TMEM132C: variants seen among roughly 807,000 people sequenced by gnomAD.
TMEM132C encodes protein phosphatase 1, regulatory subunit 152.
Under a neutral mutation model 61.4 loss-of-function variants are expected in TMEM132C, and 29 were observed. The ratio of observed to expected loss-of-function variants is 0.47; its 90% CI spans 0.35 to 0.64. The LOEUF is 0.64. Among genes scored for constraint, TMEM132C ranks in the 30% least tolerant of loss-of-function variants. The probability of loss-of-function intolerance (pLI) is 0.00; values close to 1 mark genes in which losing one functional copy is unlikely to be tolerated. For synonymous variants in TMEM132C, 656 were observed against 633.1 expected, an observed-to-expected ratio of 1.04 and a Z score of -0.54; for missense variants, 1,408 against 1,476.9, an observed-to-expected ratio of 0.95 and a Z score of 0.76.
intron 4 of TMEM132C, among the ~76,000 whole-genome samples, chr12:128,617,100 G>T (rs1431921296): frequency 6.6e-6 from 1 of 152,196 alleles, no homozygotes; most frequent in East Asian, 1.9e-4. Context: ...CAGATCACAG[G>T]AACATTTTGA....
chr12:128,534,740 A>G (rs1873456759), intron 2 of TMEM132C, among the ~76,000 whole-genome samples: 2 of 152,262 alleles, frequency 1.3e-5, no homozygotes, highest in Non-Finnish European at 1.5e-5. Context: ...TGAAGTAGAC[A>G]GGAATATCCA....
At chr12:128,600,696 T>G (rs1876153384) in intron 3 of TMEM132C, among the ~76,000 whole-genome samples, 1 of 152,130 alleles carries the variant, frequency 6.6e-6, no homozygotes, top group Admixed American at 6.5e-5. Context: ...GATGGGGCCC[T>G]GATCACAGGT....
At chr12:128,271,656 T>C (rs1870526693) in intron 1 of TMEM132C, among the ~76,000 whole-genome samples, 1 of 152,216 alleles carries the variant, frequency 6.6e-6, no homozygotes, top group African/African-American at 2.4e-5. Context: ...GGAGAATGTG[T>C]TTATTCAGGT....
chr12:128,534,970 A>G (rs1565965773), intron 2 of TMEM132C, among the ~76,000 whole-genome samples: 1 of 152,232 alleles, frequency 6.6e-6, no homozygotes, highest in Non-Finnish European at 1.5e-5. Flanking sequence ...AATGCAGAAA[A>G]AGCCAATTTC....
rs533981114 is a variant in TMEM132C at position 128,645,048 on chromosome 12, A to G, written c.1306-24369A>G. On this transcript the variant is annotated intron_variant, in intron 4 of 8. Transcript: ENST00000435159. ...CCTCTGTGCTGAGAGCTGCAGTGGAACTAATGGGGCACTGAGATTGTGAAC... is the reference window on the plus strand; with the variant it reads ...CCTCTGTGCTGAGAGCTGCAGTGGAGCTAATGGGGCACTGAGATTGTGAAC... Among the ~76,000 whole-genome samples, 23 of 152,290 alleles carry G rather than the reference A, an allele frequency of 1.5e-4. No homozygotes were observed. In the South Asian group the frequency reaches 4.8e-3, roughly 32 times the overall value.
rs1872507039 is a variant in TMEM132C at position 128,326,118 on chromosome 12, C to T, written c.85+58631C>T. Among the ~76,000 whole-genome samples the T allele has an allele frequency of 6.6e-6, 1 of 152,076 alleles. No homozygotes were observed. The highest frequency in any genetic ancestry group is 2.4e-5 in the African/African-American group (1 of 41,388). On this transcript the variant is annotated intron_variant, in intron 1 of 8. Coordinates refer to ENST00000435159, the MANE Select transcript of TMEM132C (RefSeq NM_001136103.3). The surrounding 1 kb of genome is among the most constrained non-coding windows in gnomAD (Gnocchi z 5.6). Reference sequence around the variant, plus strand: ...CATGTTTCTTCAAAGATAAATATCACTTCTGTCAGGTGAATAAATACCATT... The same window carrying T: ...CATGTTTCTTCAAAGATAAATATCATTTCTGTCAGGTGAATAAATACCATT...
At chr12:128,567,429 GACACACACACACACACACACACAC>G (rs140541188) in intron 3 of TMEM132C, among the ~76,000 whole-genome samples, 2 of 136,330 alleles carry the variant, frequency 1.5e-5, no homozygotes, top group South Asian at 5.2e-4. Context: ...CATACCCATA[GACACACACACACACACACACACAC>G]ACACACACAC....
chr12:128,306,716 C>G lies in TMEM132C; in HGVS notation c.85+39229C>G, dbSNP rs540414936. Among the ~76,000 whole-genome samples, 3 of 152,252 alleles carry G rather than the reference C, an allele frequency of 2.0e-5. No individual in the cohort carries two copies. The South Asian group carries it at 6.2e-4, about 32-fold the overall frequency. ...AAAAGGAAGAGACCTTTGTCCACTT[C>G]CACTGTAGCTCAATTTCCCATCTAT... On this transcript the variant is annotated intron_variant, in intron 1 of 8. Transcript: ENST00000435159.
At chr12:128,409,968 C>T (rs1565927756) in intron 1 of TMEM132C, among the ~76,000 whole-genome samples, 1 of 152,100 alleles carries the variant, frequency 6.6e-6, no homozygotes, top group Non-Finnish European at 1.5e-5. Flanking sequence ...TCAAGATTAT[C>T]AAAGAATCTA....
chr12:128,480,069 G>A (rs970410010), intron 2 of TMEM132C, among the ~76,000 whole-genome samples: 19 of 152,228 alleles, frequency 1.2e-4, no homozygotes, highest in African/African-American at 4.6e-4. Flanking sequence ...ACCAGCCTGG[G>A]CGATGTAGTG....
intron 1 of TMEM132C, among the ~76,000 whole-genome samples, chr12:128,377,608 G>A (rs1874236175): frequency 6.6e-6 from 1 of 152,194 alleles, no homozygotes; most frequent in African/African-American, 2.4e-5. Context: ...TGTGTAATGA[G>A]ACTTTTATTT....
intron 2 of TMEM132C, among the ~76,000 whole-genome samples, chr12:128,479,236 A>T (rs992322734): frequency 2.0e-5 from 3 of 152,186 alleles, no homozygotes; most frequent in African/African-American, 7.2e-5. Context: ...GAGGGAGAGG[A>T]TCAGGAAAAA....
chr12:128,440,870 G>A (rs1330135748), intron 2 of TMEM132C, among the ~76,000 whole-genome samples: 1 of 152,134 alleles, frequency 6.6e-6, no homozygotes, highest in African/African-American at 2.4e-5. Flanking sequence ...CCAACATGGT[G>A]AAACCCCATC....
rs917302151 is a variant in TMEM132C at position 128,317,334 on chromosome 12, T to C, written c.85+49847T>C. Among the ~76,000 whole-genome samples the C allele has an allele frequency of 2.0e-5, 3 of 152,198 alleles. No homozygotes were observed. The East Asian group carries it at 5.8e-4, about 29-fold the overall frequency. ...CAGTAAACTCAGCTGATAACACGTTTATCTGTTCAAGCCAGAAATGTTTAT... is the reference window on the plus strand; with the variant it reads ...CAGTAAACTCAGCTGATAACACGTTCATCTGTTCAAGCCAGAAATGTTTAT... On this transcript the variant is annotated intron_variant, in intron 1 of 8. Coordinates refer to ENST00000435159, the MANE Select transcript of TMEM132C (RefSeq NM_001136103.3).
intron 2 of TMEM132C, among the ~76,000 whole-genome samples, chr12:128,450,013 C>CTAAAAGT (rs1361617621): frequency 1.3e-5 from 2 of 152,192 alleles, no homozygotes; most frequent in African/African-American, 4.8e-5. Context: ...CCCTGAGTTT[C>CTAAAAGT]ACAAGTGAGT....
At chr12:128,559,224 T>A (rs1874433339) in intron 3 of TMEM132C, among the ~76,000 whole-genome samples, 1 of 149,148 alleles carries the variant, frequency 6.7e-6, no homozygotes, top group Admixed American at 6.6e-5. Flanking sequence ...CTTCAAACAA[T>A]TTTTTTTATC....
intron 1 of TMEM132C, among the ~76,000 whole-genome samples, chr12:128,277,788 C>T (rs1870744282): frequency 6.6e-6 from 1 of 152,194 alleles, no homozygotes; most frequent in South Asian, 2.1e-4. Context: ...GGGAGGTCAG[C>T]TCGTTTCTCC....
At chr12:128,435,228 C>T (rs779882952) in intron 2 of TMEM132C, among the ~76,000 whole-genome samples, 17 of 152,302 alleles carry the variant, frequency 1.1e-4, no homozygotes, top group Non-Finnish European at 2.2e-4. Flanking sequence ...ATTGTTTAAA[C>T]CACCCAGTGA....
chr12:128,276,692 T>C (rs997872646), intron 1 of TMEM132C, among the ~76,000 whole-genome samples: 1 of 152,178 alleles, frequency 6.6e-6, no homozygotes, highest in African/African-American at 2.4e-5. Flanking sequence ...ATAATTATGT[T>C]TACTTTTGCT....
Sources: allele counts gnomAD v4.1 joint callset (sites outside exome capture counted in the v4.1 genomes callset), GRCh38; gene constraint gnomAD v4.1.1; non-coding constraint Gnocchi (gnomAD v3.1); transcripts MANE v1.5; gene names NCBI Gene and HGNC (gene_info 2026-07-23, HGNC 2026-07-21).